Variants in PLEKHG7 observed in about 807,000 individuals in gnomAD.
The protein encoded by PLEKHG7 is pleckstrin homology and RhoGEF domain containing G7, also known as pleckstrin homology domain-containing family G member 7.
PLEKHG7 carries 77 observed loss-of-function variants against 85.2 expected under a neutral mutation model. The observed-to-expected ratio is 0.90, with a 90% CI of 0.75 to 1.09. PLEKHG7 has a LOEUF of 1.09. Among genes scored for constraint, PLEKHG7 ranks in the 50% least tolerant of loss-of-function variants. The pLI, the probability that PLEKHG7 is intolerant of heterozygous loss-of-function variation, is 0.00. For synonymous variants in PLEKHG7, 301 were observed against 302.4 expected (o/e 1.00, Z 0.05); for missense variants, 777 against 804.3 (o/e 0.97, Z 0.41).
intron 3 of PLEKHG7, among the ~76,000 whole-genome samples, chr12:92,714,988 T>A (rs994297844): frequency 1.2e-4 from 19 of 152,176 alleles, no homozygotes; most frequent in African/African-American, 4.6e-4. Context: ...TCTGTATTAG[T>A]CAGAGTTCTC....
chr12:92,722,309 A>G (rs1243123437), intron 3 of PLEKHG7, among the ~76,000 whole-genome samples: 1 of 152,066 alleles, frequency 6.6e-6, no homozygotes, highest in Non-Finnish European at 1.5e-5. Context: ...TTCCGCACCA[A>G]TCCATGTCTC....
intron 11 of PLEKHG7, among the ~76,000 whole-genome samples, chr12:92,755,125 G>A (rs1872792268): frequency 6.6e-6 from 1 of 152,132 alleles, no homozygotes; most frequent in African/African-American, 2.4e-5. Flanking sequence ...TACTCATTTG[G>A]ATGGGTTTGT....
chr12:92,710,822 C>T (rs1382455845), intron 3 of PLEKHG7, among the ~76,000 whole-genome samples: 1 of 152,210 alleles, frequency 6.6e-6, no homozygotes, highest in African/African-American at 2.4e-5. Context: ...CGGGCAATGA[C>T]AGGGGCAGCT....
chr12:92,711,342 C>G (rs137893565), intron 3 of PLEKHG7, among the ~76,000 whole-genome samples: 1 of 152,184 alleles, frequency 6.6e-6, no homozygotes, highest in African/African-American at 2.4e-5. Flanking sequence ...TTGGTGCAGA[C>G]TGGGGGAGAG....
intron 10 of PLEKHG7, among the ~76,000 whole-genome samples, chr12:92,745,863 A>G (rs1051238043): frequency 6.6e-6 from 1 of 152,172 alleles, no homozygotes; most frequent in Non-Finnish European, 1.5e-5. Context: ...TCATTATGCT[A>G]TTTGCGGTAG....
chr12:92,707,286 A>G lies in PLEKHG7; in HGVS notation c.507+148A>G. On this transcript the variant is annotated intron_variant, in intron 2 of 16. Coordinates refer to ENST00000344636, the MANE Select transcript of PLEKHG7 (RefSeq NM_001377329.1). Reference sequence around the variant, plus strand: ...ACTGAGGGGACACATTCTCTTTAGGAAGCATTGGCTCTTAAGTGAAAGGAG... The same window carrying G: ...ACTGAGGGGACACATTCTCTTTAGGGAGCATTGGCTCTTAAGTGAAAGGAG... 5 of 1,435,650 alleles carry G rather than the reference A, an allele frequency of 3.5e-6. No individual in the cohort carries two copies. In the South Asian group the frequency reaches 6.1e-5, roughly 18 times the overall value. 88.9% of individuals were successfully genotyped at this position (1,435,650 alleles called of 1,614,324 possible).
intron 3 of PLEKHG7, among the ~76,000 whole-genome samples, chr12:92,715,024 A>G (rs1427933474): frequency 7.8e-6 from 1 of 128,788 alleles, no homozygotes; most frequent in Non-Finnish European, 1.7e-5. Context: ...AATGGGATAG[A>G]TAGATAGATA....
chr12:92,740,850 A>G lies in PLEKHG7; in HGVS notation c.940-3A>G. 6.3e-7 allele frequency: 1 copy of G among 1,576,426 alleles called. No homozygotes were observed. Among genetic ancestry groups the G allele is most frequent in the African/African-American group, 1.3e-5 (1 of 74,086 alleles). On this transcript the variant is annotated splice_region_variant and splice_polypyrimidine_tract_variant and intron_variant, in intron 7 of 16. Coordinates refer to ENST00000344636, the MANE Select transcript of PLEKHG7 (RefSeq NM_001377329.1). Reference sequence around the variant, plus strand: ...TAATGTGTATATATTTTTTATTTCAAAGATCTTTATGAATACACTAAGATA... The same window carrying G: ...TAATGTGTATATATTTTTTATTTCAGAGATCTTTATGAATACACTAAGATA...
At chr12:92,765,553 C>T (rs532490083) in intron 15 of PLEKHG7, among the ~76,000 whole-genome samples, 10 of 150,728 alleles carry the variant, frequency 6.6e-5, no homozygotes, top group Admixed American at 2.7e-4. Flanking sequence ...CGCTTGAACC[C>T]GGGAGGCGGA....
chr12:92,756,394 A>ATTTACCTGC lies in PLEKHG7; in HGVS notation c.1636+3_1636+4insTTTACCTGC, dbSNP rs780677050. ...TGAAGGAAAATTAACTCTTGCAGGT[A>ATTTACCTGC]AATAACTGCTTCCTTTAAAAAACCC... On this transcript the variant is annotated splice_donor_region_variant and intron_variant, in intron 13 of 16. Coordinates refer to ENST00000344636, the MANE Select transcript of PLEKHG7 (RefSeq NM_001377329.1). 3 of 1,601,840 alleles carry ATTTACCTGC rather than the reference A, an allele frequency of 1.9e-6. No individual in the cohort carries two copies. The highest frequency in any genetic ancestry group is 2.7e-5 in the African/African-American group (2 of 74,618).
At position 92,756,399 on chromosome 12, in the gene PLEKHG7, A is replaced by ATTTTC. The variant is rs769660997; in HGVS notation, c.1636+8_1636+9insTTTTC. The ATTTTC allele has an allele frequency of 1.9e-6, 3 of 1,596,068 alleles. No homozygotes were observed. The highest frequency in any genetic ancestry group is 2.7e-5 in the African/African-American group (2 of 74,458). ...GAAAATTAACTCTTGCAGGTAAATAACTGCTTCCTTTAAAAAACCCAACAT... is the reference window on the plus strand; with the variant it reads ...GAAAATTAACTCTTGCAGGTAAATAATTTTCCTGCTTCCTTTAAAAAACCCAACAT... On this transcript the variant is annotated intron_variant, in intron 13 of 16. Transcript: ENST00000344636.
chr12:92,750,702 A>G (rs908970985), intron 10 of PLEKHG7, among the ~76,000 whole-genome samples: 3 of 152,168 alleles, frequency 2.0e-5, no homozygotes, highest in South Asian at 2.1e-4. Flanking sequence ...GTGAGTCAAC[A>G]TGGAAATCAG....
intron 8 of PLEKHG7, 94 bp downstream of exon 8, chr12:92,741,042 C>A (rs1872341273): frequency 1.2e-6 from 1 of 831,480 alleles, no homozygotes; most frequent in Non-Finnish European, 2.0e-6. Context: ...TGCCATAATA[C>A]ATCTCCATAT....
In PLEKHG7 at chr12:92,740,867, A is replaced by C; in HGVS notation, c.954A>C (p.Thr318=). The C allele has an allele frequency of 6.2e-7, 1 of 1,604,620 alleles. No homozygotes were observed. Among genetic ancestry groups the C allele is most frequent in the Non-Finnish European group, 8.5e-7 (1 of 1,172,900 alleles). ...LLVLKMIFMN[T]LRYLQTHEYL... The stretch of plus-strand genomic sequence containing the variant: ...TTATTTCAAAGATCTTTATGAATAC[A>C]CTAAGATATCTGCAAACTCATGAAT... Residue 318 remains threonine (T), a synonymous_variant, in exon 8 of 17, where the codon ACA becomes ACC. Transcript: ENST00000344636.
chr12:92,761,631 A>AAAGAAAGAAGAAAGAAAGG (rs1555196589), intron 13 of PLEKHG7, 121 bp from the exon 14 acceptor site: 2 of 153,058 alleles, frequency 1.3e-5, no homozygotes, highest in African/African-American at 2.1e-4. Flanking sequence ...AAGAAGAAAG[A>AAAGAAAGAAGAAAGAAAGG]AAGAAAGAAA....
At chr12:92,735,168 CCAACTGGCTGCTGATTTTTTATTTCCA>C (rs1377834401) in intron 5 of PLEKHG7, among the ~76,000 whole-genome samples, 1 of 152,220 alleles carries the variant, frequency 6.6e-6, no homozygotes, top group African/African-American at 2.4e-5. Flanking sequence ...TCTTTCTTTT[CCAACTGGCTGCTGATTTTTTATTTCCA>C]CAACATGCAG....
intron 4 of PLEKHG7, among the ~76,000 whole-genome samples, chr12:92,730,973 C>T (rs1423232402): frequency 6.6e-6 from 1 of 152,172 alleles, no homozygotes; most frequent in Non-Finnish European, 1.5e-5. Flanking sequence ...GCTGCTCACG[C>T]TTTGCTGTGC....
chr12:92,743,364 A>G (rs1565792810), intron 9 of PLEKHG7, among the ~76,000 whole-genome samples: 1 of 152,250 alleles, frequency 6.6e-6, no homozygotes, highest in Non-Finnish European at 1.5e-5. Flanking sequence ...AGAGATAAAC[A>G]GGAAACAGTA....
chr12:92,754,096 G>A lies in PLEKHG7; in HGVS notation c.1258G>A (p.Glu420Lys). 6.2e-7 allele frequency: 1 copy of A among 1,613,578 alleles called. No individual in the cohort carries two copies. Among genetic ancestry groups the A allele is most frequent in the Non-Finnish European group, 8.5e-7 (1 of 1,179,658 alleles). Residue 420 changes from glutamate to lysine, a missense_variant, in exon 11 of 17, where the codon GAG (glutamate) becomes AAG (lysine). By Grantham distance (56) the Glu-to-Lys change is moderately conservative. Coordinates refer to ENST00000344636, the MANE Select transcript of PLEKHG7 (RefSeq NM_001377329.1). The part of the protein sequence containing the change: ...DDFGIYLKWC[E>K]QNEQCRRLHV... ...CTGCTTTTGCCTTCCCCAGTGGTGT[G>A]AGCAGAATGAACAATGCAGACGGCT...
Sources: gnomAD v4.1 joint callset for allele counts (sites outside exome capture counted in the v4.1 genomes callset) on GRCh38, gnomAD v4.1.1 for gene constraint, MANE v1.5 for transcripts, NCBI Gene and HGNC (gene_info 2026-07-23, HGNC 2026-07-21) for gene names.